Variants in MTHFD1L observed in about 807,000 individuals in gnomAD.
The protein encoded by MTHFD1L is monofunctional C1-tetrahydrofolate synthase, mitochondrial.
Under a neutral mutation model 119.5 loss-of-function variants are expected in MTHFD1L, and 81 were observed. The observed-to-expected ratio is 0.68, with a 90% CI of 0.57 to 0.82. The LOEUF is 0.82. Ranked by LOEUF, MTHFD1L falls within the 40% of genes least tolerant of loss-of-function variation. MTHFD1L has a pLI of 0.00. For missense variants in MTHFD1L, 1,125 were observed against 1,253.4 expected (o/e 0.90, Z 1.55); for synonymous variants, 430 against 475.2 (o/e 0.90, Z 1.24).
At chr6:150,946,123 T>C (rs1793902384) in intron 15 of MTHFD1L, among the ~76,000 whole-genome samples, 1 of 152,184 alleles carries the variant, frequency 6.6e-6, no homozygotes, top group South Asian at 2.1e-4. Context: ...TGAAAACTCA[T>C]CTATCTCATT....
chr6:150,935,045 G>T (rs568337474), intron 11 of MTHFD1L: 1 of 1,613,590 alleles, frequency 6.2e-7, no homozygotes, highest in Non-Finnish European at 8.5e-7. Flanking sequence ...TGTTATTCTG[G>T]GTTTGGACTG....
chr6:151,076,966 T>A (rs1396103532), intron 26 of MTHFD1L, among the ~76,000 whole-genome samples: 1 of 152,210 alleles, frequency 6.6e-6, no homozygotes, highest in Non-Finnish European at 1.5e-5. Flanking sequence ...TTTGCCTCAA[T>A]AAAAGTTTTA....
At chr6:150,915,018 G>A (rs1787615585) in intron 8 of MTHFD1L, among the ~76,000 whole-genome samples, 1 of 152,120 alleles carries the variant, frequency 6.6e-6, no homozygotes, top group Non-Finnish European at 1.5e-5. Flanking sequence ...AGTTTCGACT[G>A]GAAATAGAGG....
intron 27 of MTHFD1L, chr6:151,099,475 C>G: frequency 3.6e-6 from 4 of 1,098,418 alleles, no homozygotes; most frequent in South Asian, 1.3e-5. Context: ...TTGCCCTTCT[C>G]TCTTCCTCGG....
chr6:151,036,866 C>T (rs112121664), intron 25 of MTHFD1L, 99 bp from the exon 26 acceptor site: 3 of 1,296,036 alleles, frequency 2.3e-6, no homozygotes, highest in African/African-American at 1.5e-5. Context: ...CGATCTGAGC[C>T]GGCATACCAT....
At chr6:150,881,120 C>T (rs1242936452) in intron 4 of MTHFD1L, among the ~76,000 whole-genome samples, 1 of 151,960 alleles carries the variant, frequency 6.6e-6, no homozygotes, top group Non-Finnish European at 1.5e-5. Flanking sequence ...TTTTTGCTTT[C>T]GTTGCCTATT....
chr6:150,941,272 A>T (rs1793050710), intron 13 of MTHFD1L, among the ~76,000 whole-genome samples: 1 of 152,118 alleles, frequency 6.6e-6, no homozygotes, highest in African/African-American at 2.4e-5. Flanking sequence ...GGGTGGCTGG[A>T]GCCCCGTGGG....
intron 5 of MTHFD1L, among the ~76,000 whole-genome samples, chr6:150,884,723 T>A (rs1055800910): frequency 6.6e-6 from 1 of 152,166 alleles, no homozygotes; most frequent in East Asian, 1.9e-4. Context: ...ATTGACGTGC[T>A]CAGTTTAGGC....
chr6:151,049,068 A>T (rs11155770), intron 26 of MTHFD1L, among the ~76,000 whole-genome samples: 51 of 152,188 alleles, frequency 3.4e-4, no homozygotes, highest in African/African-American at 1.1e-3. Context: ...TAAAAACCGC[A>T]TTCACAGCCG....
rs775218945 is a variant in MTHFD1L at position 151,037,106 on chromosome 6, T to C, written c.2836T>C (p.Leu946=). The C allele has an allele frequency of 1.9e-5, 30 of 1,611,906 alleles. No homozygotes were observed. Among genetic ancestry groups the C allele is most frequent in the Middle Eastern group, 4.5e-4 (2 of 4,452 alleles). Residue 946 remains leucine, a synonymous_variant, in exon 26 of 28, where the codon TTG becomes CTG. Coordinates refer to ENST00000367321, the MANE Select transcript of MTHFD1L (RefSeq NM_015440.5). ...CATAGGCGCTGGGTTCATTTACCCTTTGGTCGGAACGGTGAGTGAGTCACA... is the reference window on the plus strand; with the variant it reads ...CATAGGCGCTGGGTTCATTTACCCTCTGGTCGGAACGGTGAGTGAGTCACA... ...ASIGAGFIYP[L]VGTMSTMPGL...
chr6:150,906,391 A>G (rs958287563), intron 8 of MTHFD1L, among the ~76,000 whole-genome samples: 3 of 152,246 alleles, frequency 2.0e-5, no homozygotes, highest in African/African-American at 7.2e-5. Flanking sequence ...AGTGCCCGCA[A>G]CAGGGCAGCC....
At chr6:150,923,835 T>C (rs1173740046) in intron 10 of MTHFD1L, among the ~76,000 whole-genome samples, 1 of 152,118 alleles carries the variant, frequency 6.6e-6, no homozygotes, top group Non-Finnish European at 1.5e-5. Flanking sequence ...TGCTCTCTGT[T>C]CATTAATTAT....
intron 20 of MTHFD1L, among the ~76,000 whole-genome samples, chr6:150,983,734 T>C (rs1777866640): frequency 6.6e-6 from 1 of 152,212 alleles, no homozygotes; most frequent in Non-Finnish European, 1.5e-5. Context: ...GAAGTTTCCT[T>C]GGAACTTTGA....
chr6:150,939,842 G>A (rs1217528717), intron 13 of MTHFD1L, among the ~76,000 whole-genome samples: 1 of 151,958 alleles, frequency 6.6e-6, no homozygotes, highest in Non-Finnish European at 1.5e-5. Flanking sequence ...CTGCCATTGT[G>A]CCTGACTGAT....
intron 26 of MTHFD1L, chr6:151,057,264 A>G: frequency 3.0e-6 from 3 of 985,270 alleles, no homozygotes; most frequent in Non-Finnish European, 3.6e-6. Context: ...TTCTTCGCTG[A>G]AATCAACCTC....
Position 151,092,717 on chromosome 6 carries a change from C to G in MTHFD1L, c.*31+130C>G, listed in dbSNP as rs1020906823. The G allele has an allele frequency of 1.1e-4, 68 of 620,352 alleles. No homozygotes were observed. In the Admixed American group the frequency reaches 1.3e-3, roughly 12 times the overall value. 38.4% of individuals were successfully genotyped at this position (620,352 alleles called of 1,614,324 possible). A position where few individuals can be genotyped will look rare whatever the true frequency, so the allele number is the denominator to read the frequency against. On this transcript the variant is annotated intron_variant, in intron 27 of 27. Coordinates refer to ENST00000367321, the MANE Select transcript of MTHFD1L (RefSeq NM_015440.5). The stretch of plus-strand genomic sequence containing the variant: ...CTTTCCTTCCTTTGTTACTCAAATT[C>G]CTACCAAATGATTTTCCGTGACTGG...
chr6:150,889,342 A>G (rs1184826900), intron 7 of MTHFD1L, among the ~76,000 whole-genome samples: 1 of 152,254 alleles, frequency 6.6e-6, no homozygotes, highest in African/African-American at 2.4e-5. Flanking sequence ...AGAAAAAAAT[A>G]TAGGCGTATG....
At chr6:150,933,503 G>A (rs57712680) in intron 11 of MTHFD1L, among the ~76,000 whole-genome samples, 52,646 of 151,762 alleles carry the variant, frequency 0.35, 10,726 homozygotes, top group African/African-American at 0.56. Context: ...CCCCACTGCA[G>A]ATCTGCTGTT....
chr6:151,054,016 T>C (rs1789497112), intron 26 of MTHFD1L, among the ~76,000 whole-genome samples: 1 of 152,236 alleles, frequency 6.6e-6, no homozygotes, highest in Admixed American at 6.5e-5. Context: ...ATTTTAACTT[T>C]ATGATGTTTG....
Sources: gnomAD v4.1 joint callset for allele counts (sites outside exome capture counted in the v4.1 genomes callset) on GRCh38, gnomAD v4.1.1 for gene constraint, MANE v1.5 for transcripts, NCBI Gene and HGNC (gene_info 2026-07-23, HGNC 2026-07-21) for gene names.